CNTN1: variants seen among roughly 807,000 people sequenced by gnomAD.
The protein encoded by CNTN1 is contactin-1.
CNTN1 carries 38 observed loss-of-function variants against 126.4 expected under a neutral mutation model. That is an observed-to-expected ratio of 0.30 (90% confidence interval 0.23 to 0.39). CNTN1 has a LOEUF of 0.39. CNTN1 is among the 10% of genes least tolerant of loss of function. The pLI, the probability that CNTN1 is intolerant of heterozygous loss-of-function variation, is 1.00. For missense variants in CNTN1, 1,009 were observed against 1,248.4 expected (o/e 0.81, Z 2.89); for synonymous variants, 413 against 422.6 (o/e 0.98, Z 0.28).
intron 1 of CNTN1, among the ~76,000 whole-genome samples, chr12:40,847,829 A>G (rs1942567847): frequency 6.6e-6 from 1 of 152,176 alleles, no homozygotes; most frequent in South Asian, 2.1e-4. Flanking sequence ...GTTTCATGCA[A>G]AACAGTTTTT....
chr12:40,872,478 C>T (rs748129948), intron 1 of CNTN1, among the ~76,000 whole-genome samples: 3 of 151,320 alleles, frequency 2.0e-5, no homozygotes, highest in Non-Finnish European at 2.9e-5. Context: ...GAGGGCTTAG[C>T]GAAATGCCTC....
At chr12:40,993,977 A>T (rs1162798439) in intron 17 of CNTN1, among the ~76,000 whole-genome samples, 2 of 152,132 alleles carry the variant, frequency 1.3e-5, no homozygotes, top group African/African-American at 4.8e-5. Flanking sequence ...ATATTCAGAC[A>T]TTTAGGTATG....
intron 1 of CNTN1, among the ~76,000 whole-genome samples, chr12:40,834,979 T>C (rs946796776): frequency 2.6e-5 from 4 of 152,320 alleles, no homozygotes; most frequent in East Asian, 3.9e-4. Flanking sequence ...TGTATGAGGC[T>C]ACGGGGACCT....
chr12:40,812,909 T>G (rs932259908), intron 1 of CNTN1, among the ~76,000 whole-genome samples: 17 of 151,970 alleles, frequency 1.1e-4, no homozygotes, highest in African/African-American at 4.1e-4. Flanking sequence ...AAGGTAATTA[T>G]TTTAGGTAAG....
rs1943877966 is a variant in CNTN1 at position 40,881,800 on chromosome 12, T to C, written c.-76-26557T>C. Among the ~76,000 whole-genome samples the C allele has an allele frequency of 1.3e-5, 2 of 151,854 alleles. 1 individual carries two copies. Among genetic ancestry groups the C allele is most frequent in the South Asian group, 4.1e-4 (2 of 4,834 alleles). ...TTTTCCTCATGTGAGTTCTGGATAATGGACTCTGATTTAAAAAATGATAAA... is the reference window on the plus strand; with the variant it reads ...TTTTCCTCATGTGAGTTCTGGATAACGGACTCTGATTTAAAAAATGATAAA... On this transcript the variant is annotated intron_variant, in intron 1 of 23. Transcript: ENST00000551295.
chr12:40,951,121 A>G (rs1210288751), intron 14 of CNTN1, among the ~76,000 whole-genome samples: 12 of 152,162 alleles, frequency 7.9e-5, no homozygotes, highest in African/African-American at 2.9e-4. Context: ...ATAGGTTCCA[A>G]ATCAAAGGCA....
At chr12:40,945,233 A>G (rs999894451) in intron 14 of CNTN1, among the ~76,000 whole-genome samples, 2 of 152,086 alleles carry the variant, frequency 1.3e-5, no homozygotes, top group African/African-American at 4.8e-5. Context: ...GACATTATAT[A>G]CCATGTAATA....
At chr12:41,060,369 T>C (rs1410490301) in intron 23 of CNTN1, among the ~76,000 whole-genome samples, 1 of 152,212 alleles carries the variant, frequency 6.6e-6, no homozygotes, top group Non-Finnish European at 1.5e-5. Context: ...ACCATTAACC[T>C]TGGCATAGTG....
chr12:40,804,402 A>G (rs1020539554), intron 1 of CNTN1, among the ~76,000 whole-genome samples: 12 of 152,040 alleles, frequency 7.9e-5, no homozygotes, highest in Non-Finnish European at 1.5e-5. Flanking sequence ...TTCAGGTACT[A>G]TTGCCATTTC....
At chr12:40,785,690 G>A (rs1351316719) in intron 1 of CNTN1, among the ~76,000 whole-genome samples, 1 of 151,988 alleles carries the variant, frequency 6.6e-6, no homozygotes, top group African/African-American at 2.4e-5. Context: ...AGTTAGGATG[G>A]GGCAGAAACA....
chr12:40,814,859 C>CTCTTTTATT (rs1370154940), intron 1 of CNTN1, among the ~76,000 whole-genome samples: 2 of 151,990 alleles, frequency 1.3e-5, no homozygotes, highest in African/African-American at 4.8e-5. Context: ...CGTTTGTGTC[C>CTCTTTTATT]TCTTTTATTT....
At chr12:40,979,989 C>A (rs974353486) in intron 15 of CNTN1, among the ~76,000 whole-genome samples, 11 of 152,020 alleles carry the variant, frequency 7.2e-5, no homozygotes, top group African/African-American at 2.7e-4. Context: ...CAATTATTTT[C>A]TATATATTAT....
intron 17 of CNTN1, among the ~76,000 whole-genome samples, chr12:41,000,872 G>C (rs1031876557): frequency 1.3e-5 from 2 of 152,176 alleles, no homozygotes; most frequent in African/African-American, 4.8e-5. Context: ...TTATAAGTGA[G>C]AGCATGCAGT....
At chr12:40,818,628 C>A (rs1002453088) in intron 1 of CNTN1, among the ~76,000 whole-genome samples, 2 of 152,114 alleles carry the variant, frequency 1.3e-5, no homozygotes, top group Non-Finnish European at 2.9e-5. Flanking sequence ...TCCTTTAGCT[C>A]ATCATAGTTT....
In CNTN1 at chr12:40,785,570, G is replaced by T. The variant is rs1939985174; in HGVS notation, c.-77+92978G>T. Reference sequence around the variant, plus strand: ...GTTTTGGGATAGGTGGTGGAATTAGGAGCAATGTTTTGTGGGCAGTGGGTG... The same window carrying T: ...GTTTTGGGATAGGTGGTGGAATTAGTAGCAATGTTTTGTGGGCAGTGGGTG... On this transcript the variant is annotated intron_variant, in intron 1 of 23. Transcript: ENST00000551295. 2.6e-5 allele frequency among the ~76,000 whole-genome samples: 4 copies of T among 152,234 alleles called. No individual in the cohort carries two copies. In the South Asian group the frequency reaches 8.3e-4, roughly 32 times the overall value.
intron 1 of CNTN1, among the ~76,000 whole-genome samples, chr12:40,695,557 T>C (rs1057242220): frequency 6.6e-6 from 1 of 152,188 alleles, no homozygotes; most frequent in African/African-American, 2.4e-5. Context: ...TTCCATCTAT[T>C]TCTACATGTA....
intron 1 of CNTN1, among the ~76,000 whole-genome samples, chr12:40,892,735 T>C (rs534540925): frequency 1.3e-5 from 2 of 152,238 alleles, no homozygotes; most frequent in South Asian, 4.1e-4. Flanking sequence ...CCTGAAACTT[T>C]GTAATTTTTT....
chr12:40,790,310 G>A (rs1010223964), intron 1 of CNTN1, among the ~76,000 whole-genome samples: 1 of 151,996 alleles, frequency 6.6e-6, no homozygotes, highest in Non-Finnish European at 1.5e-5. Flanking sequence ...AACTTCCAGC[G>A]GTGGGCAGTG....
intron 1 of CNTN1, among the ~76,000 whole-genome samples, chr12:40,770,919 T>A (rs957963600): frequency 6.6e-6 from 1 of 151,958 alleles, no homozygotes; most frequent in Admixed American, 6.6e-5. Flanking sequence ...CAGGGGCGGG[T>A]GCATTATGAA....
Sources: gnomAD v4.1 joint callset for allele counts (sites outside exome capture counted in the v4.1 genomes callset) on GRCh38, gnomAD v4.1.1 for gene constraint, MANE v1.5 for transcripts, NCBI Gene and HGNC (gene_info 2026-07-23, HGNC 2026-07-21) for gene names.